Variants in SYNPR observed in about 807,000 individuals in gnomAD.
SYNPR encodes the protein synaptoporin.
SYNPR carries 23 observed loss-of-function variants against 32.9 expected under a neutral mutation model. The observed-to-expected ratio is 0.70, with a 90% CI of 0.50 to 0.99. SYNPR has a LOEUF of 0.99. Among genes scored for constraint, SYNPR ranks in the 50% least tolerant of loss-of-function variants. The probability of loss-of-function intolerance (pLI) is 0.00; values close to 1 mark genes in which losing one functional copy is unlikely to be tolerated. For synonymous variants in SYNPR, 146 were observed against 135.9 expected (o/e 1.07, Z -0.52); for missense variants, 318 against 349.3 (o/e 0.91, Z 0.71).
chr3:63,520,395 C>A (rs959115648), intron 3 of SYNPR, among the ~76,000 whole-genome samples: 3 of 152,162 alleles, frequency 2.0e-5, no homozygotes, highest in African/African-American at 7.2e-5. Flanking sequence ...GGGTAATCGG[C>A]CGGGTGCGGT....
Position 63,595,717 on chromosome 3 carries a change from TTATATATATATATATATATATATATATA to T in SYNPR, c.409-13383_409-13356del, listed in dbSNP as rs1169780634. On this transcript the variant is annotated intron_variant, in intron 4 of 5. Coordinates refer to ENST00000478300, the MANE Select transcript of SYNPR (RefSeq NM_001130003.2). ...GGTGGTGGGACTTCTGAATCTTATT[TTATATATATATATATATATATATATATA>T]TATATATATATATATATATATATAA... 4.3e-3 allele frequency among the ~76,000 whole-genome samples: 76 copies of T among 17,878 alleles called. 7 individuals are homozygous for T. Among genetic ancestry groups the T allele is most frequent in the Admixed American group, 0.015 (15 of 984 alleles). 11.7% of individuals were successfully genotyped at this position (17,878 alleles called of 152,430 possible).
rs535191041 is a variant in SYNPR, at chr3:63,480,883, C to T, written c.136C>T (p.Arg46Trp). 9 of 1,613,520 alleles carry T rather than the reference C, an allele frequency of 5.6e-6. No homozygotes were observed. The East Asian group carries it at 6.7e-5, about 12-fold the overall frequency. Residue 46 changes from arginine to tryptophan, a missense_variant, in exon 3 of 6, where the codon CGG becomes TGG. Physicochemically the swap from Arg to Trp is moderately radical, Grantham distance 101 (BLOSUM62 -3). Coordinates refer to ENST00000478300, the MANE Select transcript of SYNPR (RefSeq NM_001130003.2). ...ATCGGYSGGL[R>W]LSVDCVNKTE... ...ATGCGGTGGCTATTCTGGAGGCCTG[C>T]GGCTGAGTGTGGACTGCGTCAACAA...
rs368086911 is a variant in SYNPR, at chr3:63,543,130, T to C, written c.210-13413T>C. On this transcript the variant is annotated intron_variant, in intron 3 of 5. Transcript: ENST00000478300. Reference sequence around the variant, plus strand: ...GTCAGAATAATAGCTGCTTCTTACATCATCTAGCTTCTGTAAAACTCCACT... The same window carrying C: ...GTCAGAATAATAGCTGCTTCTTACACCATCTAGCTTCTGTAAAACTCCACT... Among the ~76,000 whole-genome samples the C allele has an allele frequency of 2.8e-4, 43 of 152,268 alleles. No individual in the cohort carries two copies. The South Asian group carries it at 8.3e-3, about 29-fold the overall frequency.
At chr3:63,565,615 C>T (rs1380853712) in intron 4 of SYNPR, among the ~76,000 whole-genome samples, 3 of 152,166 alleles carry the variant, frequency 2.0e-5, no homozygotes, top group Admixed American at 1.3e-4. Flanking sequence ...CAACACAAGG[C>T]TTTTCAAGAG....
intron 2 of SYNPR, among the ~76,000 whole-genome samples, chr3:63,429,538 G>A (rs1699949541): frequency 6.6e-6 from 1 of 152,106 alleles, no homozygotes; most frequent in Admixed American, 6.5e-5. Flanking sequence ...GATAGTCAAA[G>A]TTTTGTCATT....
chr3:63,206,406 A>T, the SYNPR span, among the ~76,000 whole-genome samples: 1 of 151,978 alleles, frequency 6.6e-6, no homozygotes, highest in Admixed American at 6.6e-5. Flanking sequence ...TGTGGTGAGG[A>T]GTTAGAGACC....
At chr3:63,541,626 T>C (rs914573836) in intron 3 of SYNPR, among the ~76,000 whole-genome samples, 2 of 152,080 alleles carry the variant, frequency 1.3e-5, no homozygotes, top group South Asian at 2.1e-4. Context: ...TATAATCCTC[T>C]TTTTATAAAA....
chr3:63,411,389 C>T (rs183988392), intron 2 of SYNPR, among the ~76,000 whole-genome samples: 2 of 152,226 alleles, frequency 1.3e-5, no homozygotes, highest in Admixed American at 1.3e-4. Context: ...TGGCTCCACG[C>T]TAGGCAGTGG....
intron 2 of SYNPR, among the ~76,000 whole-genome samples, chr3:63,418,253 CT>C (rs2088566509): frequency 6.6e-6 from 1 of 152,162 alleles, no homozygotes; most frequent in East Asian, 1.9e-4. Flanking sequence ...CAAGAGTCAC[CT>C]TTGTTCCAGT....
intron 2 of SYNPR, among the ~76,000 whole-genome samples, chr3:63,423,380 C>A (rs1289600138): frequency 6.6e-6 from 1 of 152,166 alleles, no homozygotes; most frequent in African/African-American, 2.4e-5. Context: ...AAAAGAAAGG[C>A]TTTGTTACAA....
intron 2 of SYNPR, among the ~76,000 whole-genome samples, chr3:63,312,113 A>C (rs1320732574): frequency 2.0e-5 from 3 of 152,074 alleles, no homozygotes; most frequent in Non-Finnish European, 4.4e-5. Flanking sequence ...CCGGCAATGA[A>C]ATGAGTCATA....
At chr3:63,231,408 A>G (rs116432131) in intron 1 of SYNPR, among the ~76,000 whole-genome samples, 2,086 of 152,196 alleles carry the variant, frequency 0.014, 48 homozygotes, top group African/African-American at 0.048. Context: ...GTGCACCAAA[A>G]TCTCAGAATT....
At chr3:63,291,609 T>A (rs967100880) in intron 2 of SYNPR, among the ~76,000 whole-genome samples, 2 of 151,878 alleles carry the variant, frequency 1.3e-5, no homozygotes, top group Non-Finnish European at 2.9e-5. Context: ...GGATTCTATT[T>A]TGAAGCAGTT....
At chr3:63,524,208 A>G (rs780918732) in intron 3 of SYNPR, among the ~76,000 whole-genome samples, 10 of 152,200 alleles carry the variant, frequency 6.6e-5, no homozygotes, top group Non-Finnish European at 1.3e-4. Flanking sequence ...AATAATAATC[A>G]AAAACCATAC....
chr3:63,244,491 G>T (rs934172461), intron 1 of SYNPR, among the ~76,000 whole-genome samples: 1 of 152,102 alleles, frequency 6.6e-6, no homozygotes, highest in African/African-American at 2.4e-5. Flanking sequence ...TCTAAGGACA[G>T]ACTTGTTTGG....
At chr3:63,221,837 A>T in the SYNPR span, among the ~76,000 whole-genome samples, 1 of 151,964 alleles carries the variant, frequency 6.6e-6, no homozygotes, top group African/African-American at 2.4e-5. Flanking sequence ...AGGTACAAAA[A>T]TTTATACCAC....
intron 2 of SYNPR, among the ~76,000 whole-genome samples, chr3:63,467,430 G>A (rs770100983): frequency 6.6e-6 from 1 of 152,074 alleles, no homozygotes; most frequent in Non-Finnish European, 1.5e-5. Flanking sequence ...TGCTCCTTTT[G>A]GTATAGTTAT....
At chr3:63,602,474 G>C (rs1439376215) in intron 4 of SYNPR, among the ~76,000 whole-genome samples, 2 of 152,042 alleles carry the variant, frequency 1.3e-5, no homozygotes, top group African/African-American at 4.8e-5. Context: ...GGTTTTTATA[G>C]TTTTGGGTTT....
At chr3:63,375,910 T>C (rs2087888168) in intron 2 of SYNPR, among the ~76,000 whole-genome samples, 1 of 152,178 alleles carries the variant, frequency 6.6e-6, no homozygotes, top group African/African-American at 2.4e-5. Context: ...ATTAATATGT[T>C]GAAGAAGAAA....
Sources: allele counts gnomAD v4.1 joint callset (sites outside exome capture counted in the v4.1 genomes callset), GRCh38; gene constraint gnomAD v4.1.1; transcripts MANE v1.5; gene names NCBI Gene and HGNC (gene_info 2026-07-23, HGNC 2026-07-21).